Variants in LPP observed in about 807,000 individuals in gnomAD.
LPP encodes the protein lipoma-preferred partner.
LPP carries 38 observed loss-of-function variants against 60.4 expected under a neutral mutation model. The ratio of observed to expected loss-of-function variants is 0.63; its 90% CI spans 0.49 to 0.83. The LOEUF is 0.83. LPP is among the 40% of genes least tolerant of loss of function. The pLI, the probability that LPP is intolerant of heterozygous loss-of-function variation, is 0.00. For synonymous variants in LPP, 328 were observed against 290.8 expected (o/e 1.13, Z -1.30); for missense variants, 902 against 783.6 (o/e 1.15, Z -1.80).
intron 6 of LPP, among the ~76,000 whole-genome samples, chr3:188,608,483 A>G (rs1842948091): frequency 6.9e-6 from 1 of 145,594 alleles, no homozygotes; most frequent in South Asian, 2.3e-4. Context: ...AATTGACTGT[A>G]TACACGTGGA....
intron 9 of LPP, among the ~76,000 whole-genome samples, chr3:188,763,820 A>T (rs1329532189): frequency 6.6e-6 from 1 of 152,018 alleles, no homozygotes; most frequent in African/African-American, 2.4e-5. Context: ...TTTATTTTTT[A>T]TTTTGAATTA....
chr3:188,241,368 G>A (rs1724743134), intron 2 of LPP, among the ~76,000 whole-genome samples: 1 of 152,228 alleles, frequency 6.6e-6, no homozygotes, highest in Non-Finnish European at 1.5e-5. Flanking sequence ...TGCTGTGTTT[G>A]TGTGAGACAT....
intron 4 of LPP, among the ~76,000 whole-genome samples, chr3:188,475,746 C>CA (rs1006447557): frequency 7.9e-5 from 12 of 151,590 alleles, no homozygotes; most frequent in African/African-American, 2.2e-4. Context: ...GCTAAAAATC[C>CA]AAAAAAATTA....
chr3:188,812,488 G>T (rs1449423602), intron 9 of LPP, among the ~76,000 whole-genome samples: 1 of 152,148 alleles, frequency 6.6e-6, no homozygotes, highest in Non-Finnish European at 1.5e-5. Flanking sequence ...TTGCAAAAAT[G>T]ACTAGAAGAA....
chr3:188,641,165 A>T (rs893102499), intron 7 of LPP, among the ~76,000 whole-genome samples: 2 of 152,194 alleles, frequency 1.3e-5, no homozygotes, highest in African/African-American at 4.8e-5. Context: ...GATGAAAATA[A>T]GTAAAGAGGA....
chr3:188,873,851 G>T (rs1056013630), intron 11 of LPP, among the ~76,000 whole-genome samples: 2 of 152,034 alleles, frequency 1.3e-5, no homozygotes, highest in East Asian at 3.9e-4. Context: ...TAAATACACC[G>T]AACCCACTGG....
chr3:188,289,060 A>G (rs1381510405), intron 2 of LPP, among the ~76,000 whole-genome samples: 2 of 152,132 alleles, frequency 1.3e-5, no homozygotes, highest in Admixed American at 6.6e-5. Context: ...GGCTTCAATT[A>G]TGGGTAATAA....
At chr3:188,580,363 T>G (rs911753251) in intron 6 of LPP, among the ~76,000 whole-genome samples, 1 of 152,176 alleles carries the variant, frequency 6.6e-6, no homozygotes, top group Non-Finnish European at 1.5e-5. Flanking sequence ...TTTCTCTACC[T>G]TTTGCTGGTC....
intron 2 of LPP, among the ~76,000 whole-genome samples, chr3:188,226,590 G>A (rs1717856606): frequency 6.6e-6 from 1 of 152,164 alleles, no homozygotes; most frequent in Non-Finnish European, 1.5e-5. Context: ...TCTAAGGAAA[G>A]CTGAGGAAAT....
chr3:188,206,244 G>C (rs550890965), intron 1 of LPP, among the ~76,000 whole-genome samples: 1 of 152,144 alleles, frequency 6.6e-6, no homozygotes, highest in South Asian at 2.1e-4. Flanking sequence ...GGCTCTTGGC[G>C]CACCTGCTGG....
chr3:188,609,269 T>C lies in LPP; in HGVS notation c.538T>C (p.Leu180=), dbSNP rs147498212. 66 of 1,613,888 alleles carry C rather than the reference T, an allele frequency of 4.1e-5. No homozygotes were observed. In the African/African-American group the frequency reaches 4.8e-4, roughly 12 times the overall value. ...TCTAACAGCAACCAAGAAGTCTACA[T>C]TGAAACCACAGCCTGCACCCCAGGC... ...PPLTATKKST[L]KPQPAPQAGP... is the part of the protein sequence containing the mutation. The change falls in exon 7 of 12, where the codon TTG becomes CTG. Residue 180 remains leucine, a synonymous_variant. Transcript: ENST00000617246. This position sits in a 1 kb window ranked among gnomAD's most constrained non-coding sequence, Gnocchi z 6.9.
chr3:188,549,347 C>T (rs1827460023), intron 6 of LPP, among the ~76,000 whole-genome samples: 1 of 152,046 alleles, frequency 6.6e-6, no homozygotes. Context: ...TCTAAGAAAC[C>T]TATAAATTGA....
At chr3:188,582,154 C>CTTTTTTTT (rs10565240) in intron 6 of LPP, among the ~76,000 whole-genome samples, 20 of 102,230 alleles carry the variant, frequency 2.0e-4, no homozygotes, top group East Asian at 5.5e-4. Context: ...TTTTCTTTTT[C>CTTTTTTTT]TTTTTTTTTT....
chr3:188,231,528 C>T (rs1383336742), intron 2 of LPP, among the ~76,000 whole-genome samples: 1 of 152,082 alleles, frequency 6.6e-6, no homozygotes, highest in African/African-American at 2.4e-5. Flanking sequence ...TATTTTTGCC[C>T]TCCTCAGCGG....
intron 6 of LPP, among the ~76,000 whole-genome samples, chr3:188,528,968 A>G (rs1370539362): frequency 6.6e-6 from 1 of 152,248 alleles, no homozygotes; most frequent in Non-Finnish European, 1.5e-5. Flanking sequence ...TAAGTAGAAT[A>G]AGTTCATAAT....
Position 188,544,556 on chromosome 3 carries a change from ATC to A in LPP, c.429+19770_429+19771del, listed in dbSNP as rs1446166954. Among the ~76,000 whole-genome samples the A allele has an allele frequency of 2.7e-5, 4 of 146,664 alleles. No individual in the cohort carries two copies. In the East Asian group the frequency reaches 8.2e-4, roughly 30 times the overall value. Reference sequence around the variant, plus strand: ...ATGCAAATCAAAACCACTATGAGATATCATCTCACACCAGTTAGAATGGCAAT... The same window carrying A: ...ATGCAAATCAAAACCACTATGAGATAATCTCACACCAGTTAGAATGGCAAT... On this transcript the variant is annotated intron_variant, in intron 6 of 11. Transcript: ENST00000617246.
chr3:188,236,811 G>A (rs1442460674), intron 2 of LPP, among the ~76,000 whole-genome samples: 1 of 152,182 alleles, frequency 6.6e-6, no homozygotes, highest in Admixed American at 6.5e-5. Flanking sequence ...TTGCCATGAT[G>A]CTAATGACTA....
chr3:188,622,826 G>A (rs778033254), intron 7 of LPP, among the ~76,000 whole-genome samples: 2 of 151,946 alleles, frequency 1.3e-5, no homozygotes, highest in South Asian at 2.1e-4. Context: ...TCAGGAGTTC[G>A]ATACCAGCCT....
chr3:188,410,567 T>C (rs1784667791), intron 4 of LPP, among the ~76,000 whole-genome samples: 1 of 152,186 alleles, frequency 6.6e-6, no homozygotes, highest in Admixed American at 6.5e-5. Flanking sequence ...GCTCTTTAGA[T>C]CTCAGGGTCC....
Sources: allele counts gnomAD v4.1 joint callset (sites outside exome capture counted in the v4.1 genomes callset), GRCh38; gene constraint gnomAD v4.1.1; non-coding constraint Gnocchi (gnomAD v3.1); transcripts MANE v1.5; gene names NCBI Gene and HGNC (gene_info 2026-07-23, HGNC 2026-07-21).